HMCN2: variants seen among roughly 807,000 people sequenced by gnomAD.
The protein encoded by HMCN2 is hemicentin 2.
A neutral mutation model predicts 377.5 loss-of-function variants in HMCN2; 325 were observed. The ratio of observed to expected loss-of-function variants is 0.86; its 90% CI spans 0.79 to 0.94. HMCN2 has a LOEUF of 0.94. Ranked by LOEUF, HMCN2 falls within the 40% of genes least tolerant of loss-of-function variation. The probability of loss-of-function intolerance (pLI) is 0.00; values close to 1 mark genes in which losing one functional copy is unlikely to be tolerated. For synonymous variants in HMCN2, 2,007 were observed against 2,046.8 expected (o/e 0.98, Z 0.53); for missense variants, 4,543 against 4,725.3 (o/e 0.96, Z 1.13).
chr9:130,352,833 T>C, intron 30 of HMCN2, 94 bp from the exon 31 acceptor site: 2 of 1,044,814 alleles, frequency 1.9e-6, no homozygotes, highest in Non-Finnish European at 2.5e-6. Flanking sequence ...CTGTGGTGTG[T>C]CTTGTGGCCC....
rs188242523 is a variant in HMCN2, at chr9:130,418,352, G to A, written c.12962-420G>A. Among the ~76,000 whole-genome samples, 420 of 152,298 alleles carry A rather than the reference G, an allele frequency of 2.8e-3. 5 individuals carry two copies. Among genetic ancestry groups the A allele is most frequent in the Admixed American group, 4.4e-3 (68 of 15,288 alleles). ...GAGGCGGGTGGATCACTTGAGGTCA[G>A]GAGTTCAAGACCAACCTGGCCAATA... On this transcript the variant is annotated intron_variant, in intron 85 of 97. Transcript: ENST00000683500.
intron 3 of HMCN2, 146 bp downstream of exon 3, chr9:130,285,462 A>G: frequency 5.4e-6 from 2 of 368,118 alleles, no homozygotes; most frequent in Non-Finnish European, 1.1e-5. Context: ...TCTGCCATGC[A>G]TGGCCAGAGC....
At chr9:130,429,992 A>G in intron 94 of HMCN2, 1 of 583,318 alleles carries the variant, frequency 1.7e-6, no homozygotes, top group Non-Finnish European at 3.0e-6. Flanking sequence ...TATCTCAGAG[A>G]GGCTTAGGAG....
rs1491421331 is a variant in HMCN2 at position 130,325,097 on chromosome 9, T to TTC, written c.2921-497_2921-496insCT. On this transcript the variant is annotated intron_variant, in intron 19 of 97. Coordinates refer to ENST00000683500, the MANE Select transcript of HMCN2 (RefSeq NM_001291815.2). ...TCTTTTCTTCTTCTTCTTCTTCTTC[T>TTC]TTTTTTTTTTTTTTGTAGACAAGAG... Among the ~76,000 whole-genome samples, 13 of 6,290 alleles carry TTC rather than the reference T, an allele frequency of 2.1e-3. No individual in the cohort carries two copies. The East Asian group carries it at 0.031, about 15-fold the overall frequency. 4.1% of individuals were successfully genotyped at this position (6,290 alleles called of 152,430 possible). A position where few individuals can be genotyped will look rare whatever the true frequency, so the allele number is the denominator to read the frequency against.
At chr9:130,366,711 C>T (rs1289295992) in intron 43 of HMCN2, among the ~76,000 whole-genome samples, 2 of 152,076 alleles carry the variant, frequency 1.3e-5, no homozygotes, top group Non-Finnish European at 2.9e-5. Context: ...CCTCAGCCTC[C>T]CAAAGTGCTG....
At chr9:130,370,466 C>T (rs1228635187) in intron 45 of HMCN2, among the ~76,000 whole-genome samples, 1 of 152,164 alleles carries the variant, frequency 6.6e-6, no homozygotes, top group Non-Finnish European at 1.5e-5. Flanking sequence ...AGGGAGGGCG[C>T]CCCTCACTGT....
In HMCN2 at chr9:130,360,282, A is replaced by C. The variant is rs1045202368; in HGVS notation, c.5774-146A>C. ...CACCAGCAGAGTCTGACGGGCTGGC[A>C]GCACCCTTGCTTCTCTCTTCCATTC... On this transcript the variant is annotated intron_variant, in intron 37 of 97. Transcript: ENST00000683500. The surrounding 1 kb of genome is among the most constrained non-coding windows in gnomAD (Gnocchi z 4.7). 2.0e-6 allele frequency: 1 copy of C among 491,236 alleles called. No individual in the cohort carries two copies. The highest frequency in any genetic ancestry group is 3.4e-6 in the Non-Finnish European group (1 of 295,598). 30.4% of individuals were successfully genotyped at this position (491,236 alleles called of 1,614,324 possible).
At chr9:130,298,268 T>A (rs1053828810) in intron 7 of HMCN2, among the ~76,000 whole-genome samples, 4 of 152,146 alleles carry the variant, frequency 2.6e-5, no homozygotes, top group African/African-American at 7.2e-5. Flanking sequence ...TAATTTTTTT[T>A]AAAGAGAAAC....
Position 130,405,148 on chromosome 9 carries a change from AC to A in HMCN2, c.12339+92del, listed in dbSNP as rs1843031615. On this transcript the variant is annotated intron_variant, in intron 81 of 97. Transcript: ENST00000683500. ...TGCGCTGAGCACTATGCAGCCTTTA[AC>A]CCTGGGAGCCTGGGGAAATCAGTGT... is the stretch of plus-strand genomic sequence containing the variant. 1.9e-5 allele frequency: 17 copies of A among 902,246 alleles called. No individual in the cohort carries two copies. In the South Asian group the frequency reaches 3.9e-4, roughly 21 times the overall value. The allele number at this position is 902,246 out of a possible 1,614,324, so 55.9% of individuals were successfully genotyped here. A position where few individuals can be genotyped will look rare whatever the true frequency, so the allele number is the denominator to read the frequency against.
chr9:130,290,636 C>G (rs1486342120), intron 4 of HMCN2, among the ~76,000 whole-genome samples: 2 of 152,204 alleles, frequency 1.3e-5, no homozygotes, highest in Non-Finnish European at 2.9e-5. Flanking sequence ...TCAGCCACTG[C>G]TCCCTTCTGT....
intron 85 of HMCN2, among the ~76,000 whole-genome samples, chr9:130,415,847 G>T (rs373039011): frequency 6.6e-6 from 1 of 152,132 alleles, no homozygotes; most frequent in Admixed American, 6.5e-5. Flanking sequence ...GGGCCATGCC[G>T]CAGGCCAGCA....
chr9:130,326,525 A>G (rs1838143319), intron 21 of HMCN2, among the ~76,000 whole-genome samples: 3 of 152,084 alleles, frequency 2.0e-5, no homozygotes, highest in Admixed American at 6.5e-5. Context: ...AGGAGTGAGC[A>G]AATGTATAAG....
chr9:130,293,746 C>T (rs1381407378), intron 4 of HMCN2, among the ~76,000 whole-genome samples: 1 of 152,178 alleles, frequency 6.6e-6, no homozygotes, highest in African/African-American at 2.4e-5. Context: ...CACACATGGG[C>T]ACAGCAGAGG....
At position 130,394,589 on chromosome 9, in the gene HMCN2, C is replaced by T. The variant is rs767504847; in HGVS notation, c.10692+14C>T. ...GAGAATGTGCAGGTACCAGTGCCGC[C>T]GCCATGGGGCGAGGCTGGGGGTTGG... On this transcript the variant is annotated intron_variant, in intron 69 of 97. Coordinates refer to ENST00000683500, the MANE Select transcript of HMCN2 (RefSeq NM_001291815.2). The surrounding 1 kb of genome is among the most constrained non-coding windows in gnomAD (Gnocchi z 5.1). 63 of 1,272,676 alleles carry T rather than the reference C, an allele frequency of 5.0e-5. No homozygotes were observed. The highest frequency in any genetic ancestry group is 6.1e-5 in the Non-Finnish European group (60 of 978,632). 78.8% of individuals were successfully genotyped at this position (1,272,676 alleles called of 1,614,324 possible).
At chr9:130,375,198 G>A (rs745928723) in intron 49 of HMCN2, among the ~76,000 whole-genome samples, 13 of 152,218 alleles carry the variant, frequency 8.5e-5, no homozygotes, top group Non-Finnish European at 1.3e-4. Context: ...TGAAAGCAAA[G>A]CTACTCTACT....
rs149516845 is a variant in HMCN2 at position 130,276,100 on chromosome 9, G to T, written c.260-8503G>T. Among the ~76,000 whole-genome samples, 875 of 141,174 alleles carry T rather than the reference G, an allele frequency of 6.2e-3. 4 individuals are homozygous for T. The highest frequency in any genetic ancestry group is 0.018 in the Middle Eastern group (5 of 274). 92.6% of individuals were successfully genotyped at this position (141,174 alleles called of 152,430 possible). ...GGAAGCCATGGGTCTGAGGGCAGGA[G>T]GTCCCTGGAGGGGCAGGGGTGGGTG... On this transcript the variant is annotated intron_variant, in intron 1 of 97. Coordinates refer to ENST00000683500, the MANE Select transcript of HMCN2 (RefSeq NM_001291815.2).
At position 130,363,372 on chromosome 9, in the gene HMCN2, A is replaced by G. The variant is rs1840490557; in HGVS notation, c.6232+382A>G. 2.0e-5 allele frequency among the ~76,000 whole-genome samples: 3 copies of G among 152,158 alleles called. No individual in the cohort carries two copies. The South Asian group carries it at 6.2e-4, about 32-fold the overall frequency. The stretch of plus-strand genomic sequence containing the variant: ...GGTCACTTTGCTTCTCTCGGCCACC[A>G]TTTCTTCATCTGCAAAATGAGAAGA... On this transcript the variant is annotated intron_variant, in intron 40 of 97. Coordinates refer to ENST00000683500, the MANE Select transcript of HMCN2 (RefSeq NM_001291815.2).
Position 130,354,937 on chromosome 9 carries a change from G to A in HMCN2, c.5039G>A (p.Ser1680Asn). ...SNESRLETDG[S>N]VLRLESPGEA... ...GAGTCGCGGCTGGAGACAGACGGGAGTGTGCTGAGGCTGGAGAGCCCGGGG... is the reference window on the plus strand; with the variant it reads ...GAGTCGCGGCTGGAGACAGACGGGAATGTGCTGAGGCTGGAGAGCCCGGGG... Residue 1680 changes from serine to asparagine, a missense_variant, in exon 32 of 98, where the codon AGT (serine) becomes AAT (asparagine). Ser to Asn is a conservative substitution (Grantham distance 46). Coordinates refer to ENST00000683500, the MANE Select transcript of HMCN2 (RefSeq NM_001291815.2). 7.7e-7 allele frequency: 1 copy of A among 1,303,674 alleles called. No individual in the cohort carries two copies. Among genetic ancestry groups the A allele is most frequent in the Non-Finnish European group, 1.0e-6 (1 of 988,942 alleles). The allele number at this position is 1,303,674 out of a possible 1,614,324, so 80.8% of individuals were successfully genotyped here.
At chr9:130,400,029 G>A (rs1401651584) in intron 76 of HMCN2, among the ~76,000 whole-genome samples, 1 of 152,186 alleles carries the variant, frequency 6.6e-6, no homozygotes, top group African/African-American at 2.4e-5. Context: ...CTCATTCCAG[G>A]GTCTAATCAA....
Sources: allele counts gnomAD v4.1 joint callset (sites outside exome capture counted in the v4.1 genomes callset), GRCh38; gene constraint gnomAD v4.1.1; non-coding constraint Gnocchi (gnomAD v3.1); transcripts MANE v1.5; gene names NCBI Gene and HGNC (gene_info 2026-07-23, HGNC 2026-07-21).